Variants in DRC11 observed in about 807,000 individuals in gnomAD.
DRC11 encodes dynein regulatory complex subunit 11.
the DRC11 span, among the ~76,000 whole-genome samples, chr2:236,365,698 G>A: frequency 6.6e-6 from 1 of 152,040 alleles, no homozygotes. The surrounding 1 kb of genome is among the most constrained non-coding windows in gnomAD (Gnocchi z 7.4). Context: ...CCAGAGAAAG[G>A]GGGTGGTCAC....
chr2:236,414,138 A>T, the DRC11 span, among the ~76,000 whole-genome samples: 4 of 152,194 alleles, frequency 2.6e-5, no homozygotes, highest in African/African-American at 7.2e-5. Flanking sequence ...AATCCTTTTC[A>T]GATAGATAGT....
the DRC11 span, chr2:236,454,849 A>C: frequency 6.6e-6 from 1 of 152,330 alleles, no homozygotes; most frequent in African/African-American, 2.4e-5. The surrounding 1 kb of genome is among the most constrained non-coding windows in gnomAD (Gnocchi z 5.3). Flanking sequence ...TGTAGTTCTC[A>C]ATCTGCCAGT....
chr2:236,328,939 A>C, the DRC11 span, among the ~76,000 whole-genome samples: 1 of 152,198 alleles, frequency 6.6e-6, no homozygotes, highest in Admixed American at 6.5e-5. This position sits in a 1 kb window ranked among gnomAD's most constrained non-coding sequence, Gnocchi z 6.7. Flanking sequence ...AACGGGCCTC[A>C]CTGGGTGACA....
At chr2:236,437,484 A>G in the DRC11 span, among the ~76,000 whole-genome samples, 19 of 151,606 alleles carry the variant, frequency 1.3e-4, 1 homozygote, top group African/African-American at 3.4e-4. Context: ...GTCAAATGGT[A>G]TTTCTAGTTC....
the DRC11 span, among the ~76,000 whole-genome samples, chr2:236,505,210 G>C: frequency 2.0e-5 from 3 of 152,204 alleles, no homozygotes; most frequent in African/African-American, 7.2e-5. Flanking sequence ...AGACCAGACT[G>C]TTATTTCTAC....
the DRC11 span, among the ~76,000 whole-genome samples, chr2:236,359,919 C>A: frequency 6.6e-6 from 1 of 152,066 alleles, no homozygotes; most frequent in African/African-American, 2.4e-5. The surrounding 1 kb of genome is among the most constrained non-coding windows in gnomAD (Gnocchi z 4.3). Flanking sequence ...TGAAGTGGCC[C>A]AGGTGGGTGA....
the DRC11 span, among the ~76,000 whole-genome samples, chr2:236,325,784 G>T: frequency 6.6e-6 from 1 of 152,042 alleles, no homozygotes; most frequent in African/African-American, 2.4e-5. The surrounding 1 kb of genome is among the most constrained non-coding windows in gnomAD (Gnocchi z 4.4). Flanking sequence ...TGTATTTTTA[G>T]TAGAGACGGG....
the DRC11 span, among the ~76,000 whole-genome samples, chr2:236,453,647 T>A: frequency 2.6e-5 from 4 of 152,058 alleles, no homozygotes; most frequent in African/African-American, 9.7e-5. The surrounding 1 kb of genome is among the most constrained non-coding windows in gnomAD (Gnocchi z 4.9). Context: ...AATTTTAATT[T>A]TTTTTTTTTT....
At chr2:236,312,410 A>C in the DRC11 span, among the ~76,000 whole-genome samples, 1 of 151,878 alleles carries the variant, frequency 6.6e-6, no homozygotes, top group Non-Finnish European at 1.5e-5. Flanking sequence ...AAGCCTGAAA[A>C]GTGACAAAGA....
At chr2:236,356,723 T>C in the DRC11 span, among the ~76,000 whole-genome samples, 5 of 151,690 alleles carry the variant, frequency 3.3e-5, no homozygotes, top group African/African-American at 1.2e-4. Flanking sequence ...AAAAAGCCCT[T>C]CCCGCTCCGC....
At chr2:236,427,631 C>T in the DRC11 span, among the ~76,000 whole-genome samples, 396 of 152,040 alleles carry the variant, frequency 2.6e-3, no homozygotes, top group African/African-American at 8.4e-3. This position sits in a 1 kb window ranked among gnomAD's most constrained non-coding sequence, Gnocchi z 5.9. Context: ...ATTTGTGTGA[C>T]TCTTTTCTCT....
the DRC11 span, among the ~76,000 whole-genome samples, chr2:236,429,610 T>C: frequency 2.4e-4 from 37 of 152,202 alleles, no homozygotes; most frequent in Middle Eastern, 6.8e-3. This position sits in a 1 kb window ranked among gnomAD's most constrained non-coding sequence, Gnocchi z 5.9. Context: ...CTGGCATGCA[T>C]GCAGTAGGTG....
chr2:236,458,588 T>C, the DRC11 span, among the ~76,000 whole-genome samples: 1 of 152,156 alleles, frequency 6.6e-6, no homozygotes, highest in African/African-American at 2.4e-5. Context: ...TTTATTGGCA[T>C]CACCTCATTT....
the DRC11 span, among the ~76,000 whole-genome samples, chr2:236,342,104 GC>G: frequency 5.3e-5 from 8 of 152,266 alleles, no homozygotes; most frequent in African/African-American, 1.4e-4. This position sits in a 1 kb window ranked among gnomAD's most constrained non-coding sequence, Gnocchi z 5.8. Flanking sequence ...TCACCCAAAG[GC>G]AGAGGGGCCG....
At chr2:236,399,452 A>G in the DRC11 span, 7 of 1,614,038 alleles carry the variant, frequency 4.3e-6, no homozygotes, top group Non-Finnish European at 5.9e-6. The surrounding 1 kb of genome is among the most constrained non-coding windows in gnomAD (Gnocchi z 7.0). Flanking sequence ...GCAGGAAGAA[A>G]AAGACTTGGT....
At chr2:236,451,174 T>C in the DRC11 span, among the ~76,000 whole-genome samples, 1 of 152,154 alleles carries the variant, frequency 6.6e-6, no homozygotes, top group African/African-American at 2.4e-5. Flanking sequence ...TCATTTTTAT[T>C]TCCTTTTCAT....
At chr2:236,434,005 T>C in the DRC11 span, among the ~76,000 whole-genome samples, 1 of 152,256 alleles carries the variant, frequency 6.6e-6, no homozygotes, top group Non-Finnish European at 1.5e-5. This position sits in a 1 kb window ranked among gnomAD's most constrained non-coding sequence, Gnocchi z 5.5. Context: ...GCAGCCTCCA[T>C]AGTGAGGAGC....
the DRC11 span, chr2:236,377,267 G>A: frequency 2.5e-6 from 2 of 801,442 alleles, no homozygotes; most frequent in Non-Finnish European, 4.3e-6. The surrounding 1 kb of genome is among the most constrained non-coding windows in gnomAD (Gnocchi z 4.9). Flanking sequence ...CATACGCGGA[G>A]AACTTAAACC....
chr2:236,368,335 G>A, the DRC11 span: 1 of 1,300,514 alleles, frequency 7.7e-7, no homozygotes, highest in Non-Finnish European at 1.1e-6. Flanking sequence ...ACAATAAATG[G>A]AAAACAGCGC....
Sources: gnomAD v4.1 joint callset for allele counts (sites outside exome capture counted in the v4.1 genomes callset) on GRCh38, gnomAD v4.1.1 for gene constraint, Gnocchi (gnomAD v3.1) non-coding constraint, MANE v1.5 for transcripts, NCBI Gene and HGNC (gene_info 2026-07-23, HGNC 2026-07-21) for gene names.